Variants in MAMDC2 observed in about 807,000 individuals in gnomAD.
The protein encoded by MAMDC2 is MAM domain-containing protein 2.
In MAMDC2, 57 loss-of-function variants were observed where a neutral mutation model predicts 89.8. That is an observed-to-expected ratio of 0.63 (90% CI 0.51 to 0.79). The LOEUF (loss-of-function observed/expected upper bound fraction) is 0.79, where lower values mean the gene tolerates loss of function less well. Among genes scored for constraint, MAMDC2 ranks in the 30% least tolerant of loss-of-function variants. The probability of loss-of-function intolerance (pLI) is 0.00; values close to 1 mark genes in which losing one functional copy is unlikely to be tolerated. For missense variants in MAMDC2, 800 were observed against 820.6 expected (o/e 0.97, Z 0.31); for synonymous variants, 313 against 293.4 (o/e 1.07, Z -0.68).
intron 2 of MAMDC2, among the ~76,000 whole-genome samples, chr9:70,053,465 C>T (rs767185215): frequency 1.2e-4 from 19 of 152,214 alleles, no homozygotes; most frequent in Non-Finnish European, 2.6e-4. Context: ...CATGAGTACA[C>T]ACTCCATAGG....
intron 8 of MAMDC2, 35 bp from the exon 9 acceptor site, chr9:70,143,519 T>C: frequency 6.2e-7 from 1 of 1,606,824 alleles, no homozygotes; most frequent in Admixed American, 1.7e-5. Flanking sequence ...GATTAGATTA[T>C]TTTGCATTGC....
intron 2 of MAMDC2, chr9:70,092,486 G>A (rs1827925263): frequency 6.6e-6 from 1 of 152,234 alleles, no homozygotes; most frequent in African/African-American, 2.4e-5. Context: ...CAGACGGAAG[G>A]AGCAGGAGTC....
At chr9:70,046,619 T>G (rs1367503667) in intron 2 of MAMDC2, among the ~76,000 whole-genome samples, 1 of 152,220 alleles carries the variant, frequency 6.6e-6, no homozygotes, top group Admixed American at 6.5e-5. Context: ...CTCTGCTGAG[T>G]TGGCACCTCT....
At chr9:70,192,578 T>C (rs2032902223) in intron 11 of MAMDC2, among the ~76,000 whole-genome samples, 1 of 152,174 alleles carries the variant, frequency 6.6e-6, no homozygotes, top group Admixed American at 6.6e-5. Context: ...TATATTGCCT[T>C]TGGCTTTAAA....
intron 2 of MAMDC2, among the ~76,000 whole-genome samples, chr9:70,073,563 C>T (rs915430763): frequency 6.6e-6 from 1 of 152,164 alleles, no homozygotes; most frequent in African/African-American, 2.4e-5. Context: ...TGGCCGAGGA[C>T]ATTGAAAAGA....
At position 70,171,359 on chromosome 9, in the gene MAMDC2, C is replaced by T. The variant is rs916496258; in HGVS notation, c.1651+728C>T. Among the ~76,000 whole-genome samples, 9 of 151,436 alleles carry T rather than the reference C, an allele frequency of 5.9e-5. 1 individual carries two copies. Among genetic ancestry groups the T allele is most frequent in the African/African-American group, 2.2e-4 (9 of 41,140 alleles). On this transcript the variant is annotated intron_variant, in intron 11 of 13. Transcript: ENST00000377182. ...ACAATTTTTTTTTTAATTTAGCCAGCTGTGGTGGTGTGCACCTGTGGTCAC... is the reference window on the plus strand; with the variant it reads ...ACAATTTTTTTTTTAATTTAGCCAGTTGTGGTGGTGTGCACCTGTGGTCAC...
intron 7 of MAMDC2, among the ~76,000 whole-genome samples, chr9:70,138,271 G>A (rs1003756191): frequency 6.6e-6 from 1 of 152,170 alleles, no homozygotes; most frequent in Non-Finnish European, 1.5e-5. Context: ...ATTCCAGTTT[G>A]TATGTACATA....
chr9:70,213,364 T>TC (rs2033391306), intron 11 of MAMDC2, among the ~76,000 whole-genome samples: 1 of 152,202 alleles, frequency 6.6e-6, no homozygotes, highest in Non-Finnish European at 1.5e-5. Context: ...GTGGGCCTTT[T>TC]CAGAGCTCCA....
chr9:70,188,132 G>A (rs1419084954), intron 11 of MAMDC2, among the ~76,000 whole-genome samples: 1 of 152,098 alleles, frequency 6.6e-6, no homozygotes, highest in East Asian at 1.9e-4. Context: ...AGCCACTCCA[G>A]TTCTTTTTTG....
chr9:70,190,372 A>G (rs1379907483), intron 11 of MAMDC2, among the ~76,000 whole-genome samples: 1 of 152,120 alleles, frequency 6.6e-6, no homozygotes, highest in African/African-American at 2.4e-5. Context: ...TCAACTAATT[A>G]TTGAACAGAG....
At chr9:70,210,690 T>C (rs1042578173) in intron 11 of MAMDC2, among the ~76,000 whole-genome samples, 2 of 152,216 alleles carry the variant, frequency 1.3e-5, no homozygotes, top group African/African-American at 2.4e-5. Flanking sequence ...TAGCTGGTTA[T>C]TTTGTTCATT....
chr9:70,225,768 C>A lies in MAMDC2; in HGVS notation c.1930C>A (p.Arg644=). Reference sequence around the variant, plus strand: ...CTTTCAGATAATTTTTGAAGCCATTCGAGGAGTATCAATAAGAAGTGATAT... The same window carrying A: ...CTTTCAGATAATTTTTGAAGCCATTAGAGGAGTATCAATAAGAAGTGATAT... ...RQHQIIFEAI[R]GVSIRSDIAI... The change falls in exon 13 of 14, where the codon CGA becomes AGA. Residue 644 remains arginine (R), a synonymous_variant. Coordinates refer to ENST00000377182, the MANE Select transcript of MAMDC2 (RefSeq NM_153267.5). 1 of 1,603,008 alleles carries A rather than the reference C, an allele frequency of 6.2e-7. No homozygotes were observed. The highest frequency in any genetic ancestry group is 8.5e-7 in the Non-Finnish European group (1 of 1,170,340).
intron 8 of MAMDC2, among the ~76,000 whole-genome samples, chr9:70,141,114 C>T (rs1034038525): frequency 3.3e-5 from 5 of 152,180 alleles, no homozygotes; most frequent in African/African-American, 1.2e-4. Flanking sequence ...CTGCCTTCTA[C>T]CAGCCTGAGA....
intron 11 of MAMDC2, among the ~76,000 whole-genome samples, chr9:70,199,397 T>A (rs1053549873): frequency 6.8e-6 from 1 of 147,480 alleles, no homozygotes; most frequent in Non-Finnish European, 1.5e-5. Flanking sequence ...TTTTTATGGC[T>A]GCATAGTATT....
chr9:70,205,435 G>A (rs529627073), intron 11 of MAMDC2, among the ~76,000 whole-genome samples: 1 of 152,248 alleles, frequency 6.6e-6, no homozygotes, highest in African/African-American at 2.4e-5. Context: ...TTTTTCCCCT[G>A]ATTTTTAAGA....
chr9:70,108,400 G>A lies in MAMDC2; in HGVS notation c.338G>A (p.Arg113His), dbSNP rs531094321. The change falls in exon 3 of 14, where the codon CGC (arginine) becomes CAC (histidine). Residue 113 changes from arginine to histidine, a missense_variant. Arg to His is a conservative substitution (Grantham distance 29). Coordinates refer to ENST00000377182, the MANE Select transcript of MAMDC2 (RefSeq NM_153267.5). ...YMRFEDESFD[R>H]LLWSAKEPSD... ...AGATTTGAAGATGAAAGCTTTGATC[G>A]CTTGCTTTGGTCAGCTAAGGAACCT... The A allele has an allele frequency of 1.2e-5, 20 of 1,614,018 alleles. No individual in the cohort carries two copies. The highest frequency in any genetic ancestry group is 4.0e-5 in the African/African-American group (3 of 75,038).
At chr9:70,079,707 G>A (rs916461425) in intron 2 of MAMDC2, among the ~76,000 whole-genome samples, 1 of 152,182 alleles carries the variant, frequency 6.6e-6, no homozygotes, top group African/African-American at 2.4e-5. Context: ...TAATAAATCT[G>A]TCCTTTGCAA....
chr9:70,068,985 T>G (rs1181693726), intron 2 of MAMDC2, among the ~76,000 whole-genome samples: 2 of 152,166 alleles, frequency 1.3e-5, no homozygotes, highest in Non-Finnish European at 2.9e-5. Context: ...GTAACAAAAT[T>G]TATTCCAATG....
intron 9 of MAMDC2, among the ~76,000 whole-genome samples, chr9:70,161,743 T>A (rs373880646): frequency 2.0e-5 from 3 of 152,342 alleles, no homozygotes; most frequent in African/African-American, 7.2e-5. Context: ...TGCAATTACA[T>A]CGTATAGTAT....
Sources: gnomAD v4.1 joint callset for allele counts (sites outside exome capture counted in the v4.1 genomes callset) on GRCh38, gnomAD v4.1.1 for gene constraint, MANE v1.5 for transcripts, NCBI Gene and HGNC (gene_info 2026-07-23, HGNC 2026-07-21) for gene names.